The following SVOP variants were observed in gnomAD, a reference collection of about 807,000 sequenced individuals.
SVOP encodes SV2 related protein.
Under a neutral mutation model 69.1 loss-of-function variants are expected in SVOP, and 17 were observed. That is an observed-to-expected ratio of 0.25 (90% confidence interval 0.17 to 0.37). The LOEUF (loss-of-function observed/expected upper bound fraction) is 0.37. Ranked by LOEUF, SVOP falls within the 10% of genes least tolerant of loss-of-function variation. The probability of loss-of-function intolerance (pLI) is 1.00; values close to 1 mark genes in which losing one functional copy is unlikely to be tolerated. For missense variants in SVOP, 435 were observed against 597.5 expected (o/e 0.73, Z 2.84); for synonymous variants, 238 against 238.6 (o/e 1.00, Z 0.02).
chr12:108,985,405 C>T (rs1302821252), intron 1 of SVOP, among the ~76,000 whole-genome samples: 1 of 151,952 alleles, frequency 6.6e-6, no homozygotes, highest in East Asian at 1.9e-4. Flanking sequence ...GGCATGGTCA[C>T]TCACGCCTAT....
At chr12:109,015,980 ATCT>A (rs2040365830) in intron 1 of SVOP, among the ~76,000 whole-genome samples, 1 of 152,204 alleles carries the variant, frequency 6.6e-6, no homozygotes, top group African/African-American at 2.4e-5. Context: ...CACACCAGAC[ATCT>A]TCTTAGTGTT....
intron 11 of SVOP, among the ~76,000 whole-genome samples, chr12:108,929,860 C>G (rs1328348128): frequency 1.3e-5 from 2 of 152,180 alleles, no homozygotes; most frequent in African/African-American, 4.8e-5. Flanking sequence ...ACACATAGAC[C>G]AGTACCTGGC....
rs540356378 is a variant in SVOP at position 108,961,008 on chromosome 12, T to C, written c.493A>G (p.Ile165Val). Residue 165 changes from isoleucine (I) to valine (V), a missense_variant, in exon 6 of 16, where the codon ATC becomes GTC. Ile to Val is a conservative substitution (Grantham distance 29, BLOSUM62 3). Coordinates refer to ENST00000610966, the MANE Select transcript of SVOP (RefSeq NM_018711.5). ...TACACGGGCGCAAATGCACTAAGGA[T>C]GCCATAGTACAGAGTCCACAGCACG... The part of the protein sequence containing the change: ...ISVLWTLYYG[I>V]LSAFAPVYSW... 6.5e-7 allele frequency: 1 copy of C among 1,537,042 alleles called. No individual in the cohort carries two copies. Among genetic ancestry groups the C allele is most frequent in the African/African-American group, 1.4e-5 (1 of 73,088 alleles).
chr12:108,927,907 CTT>C (rs112012603), intron 11 of SVOP, among the ~76,000 whole-genome samples: 41 of 135,450 alleles, frequency 3.0e-4, no homozygotes, highest in Non-Finnish European at 1.9e-4. Context: ...ACAAAAAACT[CTT>C]TTTTTTTTTT....
intron 1 of SVOP, among the ~76,000 whole-genome samples, chr12:108,984,186 G>A (rs947752298): frequency 1.3e-5 from 2 of 152,140 alleles, no homozygotes; most frequent in African/African-American, 4.8e-5. Context: ...TAAAGTGGAT[G>A]CCATTTTTTA....
chr12:108,916,657 G>A (rs2039715854), intron 14 of SVOP, among the ~76,000 whole-genome samples: 1 of 152,236 alleles, frequency 6.6e-6, no homozygotes, highest in Non-Finnish European at 1.5e-5. Flanking sequence ...CACGATGCGA[G>A]GAGCCTGGGT....
chr12:109,015,417 A>C (rs1364325262), intron 1 of SVOP, among the ~76,000 whole-genome samples: 1 of 152,180 alleles, frequency 6.6e-6, no homozygotes, highest in Non-Finnish European at 1.5e-5. Context: ...AATCAATCCC[A>C]GTGAGAGAGG....
At chr12:108,928,150 T>C (rs190100200) in intron 11 of SVOP, among the ~76,000 whole-genome samples, 1 of 152,164 alleles carries the variant, frequency 6.6e-6, no homozygotes, top group African/African-American at 2.4e-5. Flanking sequence ...GTGGTCCACC[T>C]GCCTCAGCCT....
At chr12:108,997,304 G>A (rs2040240335) in intron 1 of SVOP, among the ~76,000 whole-genome samples, 1 of 152,188 alleles carries the variant, frequency 6.6e-6, no homozygotes, top group Non-Finnish European at 1.5e-5. Flanking sequence ...TGGCTCGGAG[G>A]GTCCTACGCC....
intron 1 of SVOP, among the ~76,000 whole-genome samples, chr12:109,008,681 C>T (rs2040323865): frequency 6.6e-6 from 1 of 152,042 alleles, no homozygotes; most frequent in African/African-American, 2.4e-5. Flanking sequence ...AACCCTCATG[C>T]CCTAGGAGGT....
chr12:108,978,070 C>T (rs535462141), intron 3 of SVOP, among the ~76,000 whole-genome samples: 1 of 152,024 alleles, frequency 6.6e-6, no homozygotes, highest in South Asian at 2.1e-4. Flanking sequence ...GCAGCTTTTC[C>T]AATTAGGGGG....
At chr12:108,929,059 C>T (rs1166149901) in intron 11 of SVOP, among the ~76,000 whole-genome samples, 8 of 152,198 alleles carry the variant, frequency 5.3e-5, no homozygotes, top group Non-Finnish European at 7.3e-5. Context: ...TTCTCTACGA[C>T]TCTCCACTGT....
chr12:108,984,213 T>C (rs906343734), intron 1 of SVOP, among the ~76,000 whole-genome samples: 50,154 of 152,012 alleles, frequency 0.33, 8,775 homozygotes, highest in African/African-American at 0.44. Context: ...AGACAAGGTT[T>C]CACTATGTTG....
intron 1 of SVOP, among the ~76,000 whole-genome samples, chr12:108,990,068 G>T (rs879610821): frequency 6.6e-6 from 1 of 152,192 alleles, no homozygotes; most frequent in Non-Finnish European, 1.5e-5. Context: ...CTTCAGTTTG[G>T]TGGTCTTTGG....
chr12:108,942,696 T>C (rs984558908), intron 7 of SVOP, among the ~76,000 whole-genome samples: 1 of 152,266 alleles, frequency 6.6e-6, no homozygotes, highest in African/African-American at 2.4e-5. Flanking sequence ...TCCCTCTCTT[T>C]GCCCCTTCTG....
At chr12:108,955,567 G>C (rs2039980693) in intron 6 of SVOP, among the ~76,000 whole-genome samples, 1 of 152,218 alleles carries the variant, frequency 6.6e-6, no homozygotes, top group Non-Finnish European at 1.5e-5. Flanking sequence ...GAGGAGAGCT[G>C]AGAGCCACTC....
chr12:109,007,525 T>C (rs1314356346), intron 1 of SVOP, among the ~76,000 whole-genome samples: 1 of 152,174 alleles, frequency 6.6e-6, no homozygotes, highest in Non-Finnish European at 1.5e-5. Context: ...AGAGGAGCCT[T>C]ATCAGGCACA....
chr12:108,962,172 C>T (rs189916587), intron 5 of SVOP, among the ~76,000 whole-genome samples: 138 of 152,300 alleles, frequency 9.1e-4, no homozygotes, highest in Non-Finnish European at 1.6e-3. Context: ...AATCTCGGCT[C>T]ACTGCAGCCT....
At chr12:108,925,582 A>G (rs2039775548) in intron 11 of SVOP, among the ~76,000 whole-genome samples, 1 of 152,210 alleles carries the variant, frequency 6.6e-6, no homozygotes, top group Non-Finnish European at 1.5e-5. Context: ...TGACACATAG[A>G]GTAAAAGCCA....
Sources: gnomAD v4.1 joint callset for allele counts (sites outside exome capture counted in the v4.1 genomes callset) on GRCh38, gnomAD v4.1.1 for gene constraint, MANE v1.5 for transcripts, NCBI Gene and HGNC (gene_info 2026-07-23, HGNC 2026-07-21) for gene names.